The following KIAA1671 variants were observed in gnomAD, a reference collection of about 807,000 sequenced individuals.
The protein encoded by KIAA1671 is uncharacterized protein KIAA1671.
In KIAA1671, 52 loss-of-function variants were observed where a neutral mutation model predicts 131.2. That is an observed-to-expected ratio of 0.40 (90% confidence interval 0.32 to 0.50). The LOEUF is 0.50. KIAA1671 is among the 20% of genes least tolerant of loss of function. The pLI is 0.73. For synonymous variants in KIAA1671, 1,003 were observed against 961.6 expected (o/e 1.04, Z -0.80); for missense variants, 2,360 against 2,364.2 (o/e 1.00, Z 0.04).
intron 10 of KIAA1671, among the ~76,000 whole-genome samples, chr22:25,182,031 T>C (rs947074425): frequency 2.6e-5 from 4 of 151,992 alleles, no homozygotes; most frequent in African/African-American, 9.7e-5. Flanking sequence ...AGAAAAAAAT[T>C]AGCCGGGCGT....
At position 25,039,018 on chromosome 22, in the gene KIAA1671, C is replaced by T. The variant is rs920183629; in HGVS notation, c.1888C>T (p.Arg630Cys). 7.5e-5 allele frequency: 116 copies of T among 1,551,710 alleles called. No individual in the cohort carries two copies. In the African/African-American group the frequency reaches 9.2e-4, roughly 12 times the overall value. Residue 630 changes from arginine to cysteine, a missense_variant, in exon 5 of 13, where the codon CGT (arginine) becomes TGT (cysteine). By Grantham distance (180) the Arg-to-Cys change is radical. Transcript: ENST00000358431. ...ACACACAGTGGCTGACCAGTCGGGACGTTGTCTCTCCACCACACCCCCTGG... is the reference window on the plus strand; with the variant it reads ...ACACACAGTGGCTGACCAGTCGGGATGTTGTCTCTCCACCACACCCCCTGG... Reference protein sequence around the residue: ...ERHTVADQSGRCLSTTPPGDM... With the variant: ...ERHTVADQSGCCLSTTPPGDM...
chr22:25,041,216 G>A lies in KIAA1671; in HGVS notation c.4086G>A (p.Val1362=), dbSNP rs932210998. 7.7e-6 allele frequency: 12 copies of A among 1,551,642 alleles called. No homozygotes were observed. Among genetic ancestry groups the A allele is most frequent in the Non-Finnish European group, 1.0e-5 (12 of 1,147,020 alleles). ...GREDPGSGVR[V]SPKSPPTDQK... is the part of the protein sequence containing the mutation. ...AGGATCCAGGCAGTGGGGTCAGGGT[G>A]TCACCCAAATCGCCCCCCACTGACC... Residue 1362 remains valine, a synonymous_variant, in exon 5 of 13, where the codon GTG becomes GTA. Coordinates refer to ENST00000358431, the MANE Select transcript of KIAA1671 (RefSeq NM_001145206.2).
At chr22:25,020,097 G>A (rs1196689354) in intron 1 of KIAA1671, among the ~76,000 whole-genome samples, 1 of 152,180 alleles carries the variant, frequency 6.6e-6, no homozygotes, top group African/African-American at 2.4e-5. Context: ...AAAGAAGTAA[G>A]TGTTTTGCCC....
At chr22:24,971,647 GTC>G (rs1922619479) in intron 1 of KIAA1671, among the ~76,000 whole-genome samples, 1 of 152,152 alleles carries the variant, frequency 6.6e-6, no homozygotes, top group Non-Finnish European at 1.5e-5. Flanking sequence ...CATTCCCAGT[GTC>G]TCTCAAATTT....
At chr22:24,982,411 C>T (rs781425835) in intron 1 of KIAA1671, among the ~76,000 whole-genome samples, 3 of 152,224 alleles carry the variant, frequency 2.0e-5, no homozygotes, top group Admixed American at 1.3e-4. Context: ...CTCATGGAGA[C>T]CTTCTCCTGG....
At chr22:25,191,229 C>T (rs899793271) in intron 12 of KIAA1671, among the ~76,000 whole-genome samples, 1 of 149,226 alleles carries the variant, frequency 6.7e-6, no homozygotes, top group Admixed American at 6.7e-5. Flanking sequence ...GATCTTGGCT[C>T]ATTGCGGCCT....
intron 6 of KIAA1671, among the ~76,000 whole-genome samples, chr22:25,097,496 T>C (rs554433156): frequency 3.9e-5 from 6 of 152,256 alleles, no homozygotes; most frequent in African/African-American, 1.4e-4. Flanking sequence ...ATCCCAGCAC[T>C]TTGGGAGGCT....
chr22:25,143,729 C>A (rs1932837672), intron 6 of KIAA1671, among the ~76,000 whole-genome samples: 1 of 152,192 alleles, frequency 6.6e-6, no homozygotes, highest in Non-Finnish European at 1.5e-5. Flanking sequence ...TCACCACAAG[C>A]CCTGAGGGCC....
chr22:25,189,599 T>G (rs1934601142), intron 11 of KIAA1671, among the ~76,000 whole-genome samples: 1 of 152,228 alleles, frequency 6.6e-6, no homozygotes, highest in Non-Finnish European at 1.5e-5. Flanking sequence ...AAAATATCTT[T>G]GCATAAACAT....
Position 25,029,408 on chromosome 22 carries a change from C to G in KIAA1671, c.1409C>G (p.Pro470Arg). ...LATPASPSAAPEPEKGVVSVQ... is the reference protein window; with the variant it reads ...LATPASPSAAREPEKGVVSVQ... Reference sequence around the variant, plus strand: ...ACCCCTGCGTCCCCATCGGCGGCACCAGAGCCGGAGAAAGGGGTTGTGAGC... The same window carrying G: ...ACCCCTGCGTCCCCATCGGCGGCACGAGAGCCGGAGAAAGGGGTTGTGAGC... The change falls in exon 3 of 13, where the codon CCA becomes CGA. Residue 470 changes from proline (P) to arginine (R), a missense_variant. Physicochemically the swap from Pro to Arg is moderately radical, Grantham distance 103 (BLOSUM62 -2). Coordinates refer to ENST00000358431, the MANE Select transcript of KIAA1671 (RefSeq NM_001145206.2). 1 of 1,551,428 alleles carries G rather than the reference C, an allele frequency of 6.4e-7. No homozygotes were observed. Among genetic ancestry groups the G allele is most frequent in the East Asian group, 2.4e-5 (1 of 40,910 alleles).
intron 1 of KIAA1671, among the ~76,000 whole-genome samples, chr22:25,008,255 C>T (rs73157973): frequency 6.6e-6 from 1 of 150,756 alleles, no homozygotes; most frequent in Non-Finnish European, 1.5e-5. Context: ...ACCATTGGCT[C>T]ACCAATTCTT....
intron 1 of KIAA1671, among the ~76,000 whole-genome samples, chr22:24,967,499 C>G (rs1922358413): frequency 6.6e-6 from 1 of 152,198 alleles, no homozygotes; most frequent in African/African-American, 2.4e-5. Flanking sequence ...TCATTTTCAT[C>G]TTTGTTATTT....
intron 1 of KIAA1671, among the ~76,000 whole-genome samples, chr22:24,991,462 CTTGT>C (rs1006230119): frequency 1.4e-5 from 2 of 146,768 alleles, no homozygotes; most frequent in Non-Finnish European, 3.0e-5. Flanking sequence ...TTCCTCCTTT[CTTGT>C]TTGTTTGTTT....
intron 1 of KIAA1671, among the ~76,000 whole-genome samples, chr22:24,961,001 C>A (rs1042619439): frequency 5.9e-5 from 9 of 151,918 alleles, no homozygotes; most frequent in Non-Finnish European, 1.3e-4. Flanking sequence ...CCTTGGGGTT[C>A]TTTTTGTTGT....
Position 25,116,401 on chromosome 22 carries a change from ATG to A in KIAA1671, c.4531-54417_4531-54416del, listed in dbSNP as rs1568964786. ...TCCACCAGTATGTATGTATGTATGT[ATG>A]TATGTATGTATGTATGTATGTATGT... On this transcript the variant is annotated intron_variant, in intron 6 of 12. Transcript: ENST00000358431. Among the ~76,000 whole-genome samples, 130 of 146,616 alleles carry A rather than the reference ATG, an allele frequency of 8.9e-4. 1 individual carries two copies. Among genetic ancestry groups the A allele is most frequent in the African/African-American group, 3.4e-3 (128 of 38,136 alleles).
rs938586361 is a variant in KIAA1671, at chr22:25,181,792, C to T, written c.5168C>T (p.Ala1723Val). Residue 1723 changes from alanine (A) to valine (V), a missense_variant, in exon 10 of 13, where the codon GCG becomes GTG. Coordinates refer to ENST00000358431, the MANE Select transcript of KIAA1671 (RefSeq NM_001145206.2). ...GTCAGCCATCCTCAGAGGATGCCTGCGTTTCCAGGCATGGATCCGGCAGTG... is the reference window on the plus strand; with the variant it reads ...GTCAGCCATCCTCAGAGGATGCCTGTGTTTCCAGGCATGGATCCGGCAGTG... ...TPVSHPQRMPAFPGMDPAVLK... is the reference protein window; with the variant it reads ...TPVSHPQRMPVFPGMDPAVLK... 20 of 1,551,472 alleles carry T rather than the reference C, an allele frequency of 1.3e-5. No individual in the cohort carries two copies. The highest frequency in any genetic ancestry group is 1.2e-4 in the African/African-American group (9 of 73,150).
chr22:25,186,788 T>C (rs1934490539), intron 11 of KIAA1671, among the ~76,000 whole-genome samples: 1 of 152,314 alleles, frequency 6.6e-6, no homozygotes, highest in African/African-American at 2.4e-5. Flanking sequence ...GAGTGGGCTG[T>C]GGGAACCAGA....
At chr22:25,175,402 T>G (rs759140488) in intron 8 of KIAA1671, 1 of 152,174 alleles carries the variant, frequency 6.6e-6, no homozygotes, top group East Asian at 1.9e-4. Context: ...GGGCTTCCTT[T>G]AGGGCTTCAA....
chr22:24,966,221 T>C (rs1302291207), intron 1 of KIAA1671, among the ~76,000 whole-genome samples: 1 of 152,228 alleles, frequency 6.6e-6, no homozygotes, highest in Non-Finnish European at 1.5e-5. Flanking sequence ...CCTTTTTGTT[T>C]TGCTTCCTCA....
Sources: gnomAD v4.1 joint callset for allele counts (sites outside exome capture counted in the v4.1 genomes callset) on GRCh38, gnomAD v4.1.1 for gene constraint, MANE v1.5 for transcripts, NCBI Gene and HGNC (gene_info 2026-07-23, HGNC 2026-07-21) for gene names.